The following ELP6 variants were observed in gnomAD, a reference collection of about 807,000 sequenced individuals.
The protein encoded by ELP6 is elongator acetyltransferase complex subunit 6, also known as elongator complex protein 6.
Under a neutral mutation model 28.1 loss-of-function variants are expected in ELP6, and 23 were observed. That is an observed-to-expected ratio of 0.82 (90% confidence interval 0.59 to 1.16). ELP6 has a LOEUF of 1.16. ELP6 is among the 50% of genes most tolerant of loss of function. The pLI is 0.00. For synonymous variants in ELP6, 132 were observed against 135.8 expected (o/e 0.97, Z 0.19); for missense variants, 313 against 334.6 (o/e 0.94, Z 0.50).
intron 6 of ELP6, chr3:47,496,856 A>T: frequency 1.0e-6 from 1 of 985,314 alleles, no homozygotes; most frequent in Non-Finnish European, 1.2e-6. Flanking sequence ...TGAAAATCAC[A>T]TTAGAATTTG....
intron 3 of ELP6, among the ~76,000 whole-genome samples, chr3:47,505,441 A>G (rs1708802165): frequency 6.6e-6 from 1 of 151,836 alleles, no homozygotes; most frequent in Non-Finnish European, 1.5e-5. Flanking sequence ...CTCTCACTCT[A>G]TTGCCTAGGC....
At chr3:47,499,877 TG>T in intron 5 of ELP6, 1 of 1,250,476 alleles carries the variant, frequency 8.0e-7, no homozygotes. Context: ...GAAGCTGCAG[TG>T]GGACCCGGAG....
intron 5 of ELP6, chr3:47,500,097 AG>A: frequency 8.3e-7 from 1 of 1,207,256 alleles, no homozygotes; most frequent in Non-Finnish European, 1.1e-6. Flanking sequence ...GGCAGAAAGG[AG>A]GGACTGGCAT....
At chr3:47,499,376 G>A (rs933900930) in intron 5 of ELP6, among the ~76,000 whole-genome samples, 8 of 152,082 alleles carry the variant, frequency 5.3e-5, no homozygotes, top group Admixed American at 3.3e-4. Context: ...AAATTTAGCC[G>A]GGCATGGTGG....
Position 47,501,712 on chromosome 3 carries a change from C to T in ELP6, c.463G>A (p.Gly155Arg). The T allele has an allele frequency of 6.2e-7, 1 of 1,614,046 alleles. No homozygotes were observed. Among genetic ancestry groups the T allele is most frequent in the Non-Finnish European group, 8.5e-7 (1 of 1,180,002 alleles). Residue 155 changes from glycine (G) to arginine (R), a missense_variant, in exon 5 of 7, where the codon GGG becomes AGG. Transcript: ENST00000296149. Reference protein sequence around the residue: ...DLSVLLSLGMGAVAVLDFIHY... With the variant: ...DLSVLLSLGMRAVAVLDFIHY... ...ATGAAGTCTAGCACAGCCACCGCCCCCATGCCCAGGCTCAGGAGCACACTG... is the reference window on the plus strand; with the variant it reads ...ATGAAGTCTAGCACAGCCACCGCCCTCATGCCCAGGCTCAGGAGCACACTG...
intron 1 of ELP6, chr3:47,513,183 G>A (rs1378922841): frequency 2.0e-6 from 2 of 996,012 alleles, no homozygotes; most frequent in Non-Finnish European, 2.5e-6. Flanking sequence ...TAGAGACGGG[G>A]GTTTCACCAT....
In ELP6 at chr3:47,513,672, G is replaced by A. The variant is rs892612598; in HGVS notation, c.-82C>T. On this transcript the variant is annotated 5_prime_UTR_variant, in exon 1 of 7. Coordinates refer to ENST00000296149, the MANE Select transcript of ELP6 (RefSeq NM_001031703.3). ...GGAGGCTGGAGAGCAAAACACACCC[G>A]ACAGCCCGGCTCGCGCAAGGAAGCG... The A allele has an allele frequency of 2.6e-5, 41 of 1,559,314 alleles. No individual in the cohort carries two copies. The highest frequency in any genetic ancestry group is 8.2e-5 in the African/African-American group (6 of 73,184).
chr3:47,507,868 TCACGCTCC>T (rs1235143696), intron 3 of ELP6, among the ~76,000 whole-genome samples: 2 of 151,812 alleles, frequency 1.3e-5, no homozygotes, highest in Non-Finnish European at 2.9e-5. Flanking sequence ...GTATAGAAGC[TCACGCTCC>T]AGTACTTCAC....
chr3:47,512,838 C>A (rs2029896899), intron 1 of ELP6: 16 of 976,344 alleles, frequency 1.6e-5, no homozygotes, highest in Non-Finnish European at 1.8e-5. Context: ...CCCATGAAGA[C>A]GGCGGCGAAA....
chr3:47,497,917 C>A (rs1708525777), intron 6 of ELP6: 3 of 981,918 alleles, frequency 3.1e-6, no homozygotes, highest in African/African-American at 1.8e-5. Context: ...GGTGACAGAG[C>A]AAGACTCCGT....
chr3:47,503,267 T>G, intron 4 of ELP6: 1 of 1,267,540 alleles, frequency 7.9e-7, no homozygotes, highest in South Asian at 1.3e-5. Flanking sequence ...GTCTGAGAGA[T>G]AAGGCAGTGG....
At position 47,496,188 on chromosome 3, in the gene ELP6, G is replaced by T; in HGVS notation, c.682C>A (p.Leu228Met). The change falls in exon 7 of 7, where the codon CTG becomes ATG. Residue 228 changes from leucine to methionine, a missense_variant. Physicochemically the swap from Leu to Met is conservative, Grantham distance 15 (BLOSUM62 2). Transcript: ENST00000296149. ...CRDVHGQLRILWRRPSQPAVH... is the reference protein window; with the variant it reads ...CRDVHGQLRIMWRRPSQPAVH... ...GCGGGCTGCGATGGTCTCCTCCACA[G>T]GATCCTCAGCTACAGAGACAGAGAA... 6.2e-7 allele frequency: 1 copy of T among 1,613,920 alleles called. No individual in the cohort carries two copies. The highest frequency in any genetic ancestry group is 8.5e-7 in the Non-Finnish European group (1 of 1,179,990).
intron 3 of ELP6, among the ~76,000 whole-genome samples, chr3:47,508,317 C>T (rs1455818571): frequency 1.3e-5 from 2 of 152,140 alleles, no homozygotes; most frequent in Admixed American, 6.5e-5. Flanking sequence ...GATCTTGGCT[C>T]ACTGCACTTT....
intron 2 of ELP6, among the ~76,000 whole-genome samples, chr3:47,510,691 C>T (rs779645783): frequency 4.6e-5 from 7 of 152,138 alleles, no homozygotes; most frequent in Non-Finnish European, 1.0e-4. Context: ...AATCCCTGGC[C>T]GCAGCTCATC....
In ELP6 at chr3:47,498,356, C is replaced by G; in HGVS notation, c.602G>C (p.Ser201Thr). 1 of 1,613,832 alleles carries G rather than the reference C, an allele frequency of 6.2e-7. No individual in the cohort carries two copies. Among genetic ancestry groups the G allele is most frequent in the Non-Finnish European group, 8.5e-7 (1 of 1,180,040 alleles). ...EENDILLNGL[S>T]HQSHLILRAE... Reference sequence around the variant, plus strand: ...CCGCAGTATCAGATGGCTCTGATGACTGAGGCCATTCAGCAGGATGTCATT... The same window carrying G: ...CCGCAGTATCAGATGGCTCTGATGAGTGAGGCCATTCAGCAGGATGTCATT... Residue 201 changes from serine (S) to threonine (T), a missense_variant, in exon 6 of 7, where the codon AGT becomes ACT. Physicochemically the swap from Ser to Thr is moderately conservative, Grantham distance 58. Coordinates refer to ENST00000296149, the MANE Select transcript of ELP6 (RefSeq NM_001031703.3).
At chr3:47,512,991 CTT>C (rs35559100) in intron 1 of ELP6, 46,524 of 854,910 alleles carry the variant, frequency 0.054, 2 homozygotes, top group Non-Finnish European at 0.059. Flanking sequence ...TTCCCAGGTA[CTT>C]TTTTTTTTTT....
intron 1 of ELP6, chr3:47,511,567 C>T (rs1162464977): frequency 2.4e-6 from 2 of 848,732 alleles, no homozygotes; most frequent in East Asian, 2.4e-4. Flanking sequence ...ACAAAGGATG[C>T]TTTTACCATC....
Position 47,513,667 on chromosome 3 carries a change from C to G in ELP6, c.-77G>C, listed in dbSNP as rs2030005923. Reference sequence around the variant, plus strand: ...ACGACGGAGGCTGGAGAGCAAAACACACCCGACAGCCCGGCTCGCGCAAGG... The same window carrying G: ...ACGACGGAGGCTGGAGAGCAAAACAGACCCGACAGCCCGGCTCGCGCAAGG... On this transcript the variant is annotated 5_prime_UTR_variant, in exon 1 of 7. Transcript: ENST00000296149. The G allele has an allele frequency of 4.4e-6, 7 of 1,574,614 alleles. No homozygotes were observed. The highest frequency in any genetic ancestry group is 6.1e-6 in the Non-Finnish European group (7 of 1,151,316).
intron 2 of ELP6, among the ~76,000 whole-genome samples, chr3:47,510,556 C>T (rs1708985209): frequency 6.6e-6 from 1 of 152,122 alleles, no homozygotes; most frequent in Admixed American, 6.6e-5. Flanking sequence ...GCAGCCTAAA[C>T]CTCTCTGGCC....
Sources: allele counts gnomAD v4.1 joint callset (sites outside exome capture counted in the v4.1 genomes callset), GRCh38; gene constraint gnomAD v4.1.1; transcripts MANE v1.5; gene names NCBI Gene and HGNC (gene_info 2026-07-23, HGNC 2026-07-21).